GARIN1A: variants seen among roughly 807,000 people sequenced by gnomAD.
GARIN1A encodes Golgi-associated RAB2 interactor protein 1A.
At chr7:128,685,609 T>G in the GARIN1A span, 1 of 152,226 alleles carries the variant, frequency 6.6e-6, no homozygotes, top group South Asian at 2.1e-4. Flanking sequence ...CCAGTAAAAT[T>G]AAAAACAAGT....
chr7:128,692,014 G>A, the GARIN1A span, among the ~76,000 whole-genome samples: 1 of 152,322 alleles, frequency 6.6e-6, no homozygotes, highest in East Asian at 1.9e-4. Flanking sequence ...TGAGACAGTC[G>A]CTGGGCTTCC....
chr7:128,674,139 C>T, the GARIN1A span, among the ~76,000 whole-genome samples: 2 of 152,046 alleles, frequency 1.3e-5, no homozygotes, highest in African/African-American at 2.4e-5. Flanking sequence ...ATGATCTGCC[C>T]GCCTTGGCCT....
At chr7:128,676,693 A>T in the GARIN1A span, among the ~76,000 whole-genome samples, 1 of 151,884 alleles carries the variant, frequency 6.6e-6, no homozygotes, top group Non-Finnish European at 1.5e-5. Flanking sequence ...AAAATACTAG[A>T]TATACAGGAG....
At chr7:128,678,994 A>ATATATACTTATGTAACGATTGT in the GARIN1A span, among the ~76,000 whole-genome samples, 3 of 113,152 alleles carry the variant, frequency 2.7e-5, no homozygotes, top group African/African-American at 1.1e-4. Flanking sequence ...CGATTGTTAC[A>ATATATACTTATGTAACGATTGT]TACATATATA....
the GARIN1A span, among the ~76,000 whole-genome samples, chr7:128,688,231 C>G: frequency 3.9e-5 from 6 of 152,070 alleles, no homozygotes; most frequent in Non-Finnish European, 5.9e-5. Context: ...AGGATGGTCT[C>G]GATCTCCTGA....
chr7:128,686,725 A>T, the GARIN1A span: 2 of 152,122 alleles, frequency 1.3e-5, no homozygotes, highest in Non-Finnish European at 2.9e-5. Context: ...AAAATGTGAA[A>T]ATTAGCCAGG....
At chr7:128,701,249 C>G in the GARIN1A span, among the ~76,000 whole-genome samples, 1 of 146,808 alleles carries the variant, frequency 6.8e-6, no homozygotes, top group Non-Finnish European at 1.5e-5. Flanking sequence ...TCGCTTCCAC[C>G]AAGTGAAAAT....
At chr7:128,698,949 T>C in the GARIN1A span, among the ~76,000 whole-genome samples, 1 of 152,174 alleles carries the variant, frequency 6.6e-6, no homozygotes, top group Non-Finnish European at 1.5e-5. Context: ...CCTACCATGG[T>C]CATGTCAGGG....
the GARIN1A span, among the ~76,000 whole-genome samples, chr7:128,678,525 T>A: frequency 5.9e-5 from 9 of 152,270 alleles, no homozygotes; most frequent in South Asian, 1.7e-3. Flanking sequence ...GTCTGTAGTC[T>A]GGATGCAGTG....
the GARIN1A span, among the ~76,000 whole-genome samples, chr7:128,702,109 T>C: frequency 6.6e-6 from 1 of 151,888 alleles, no homozygotes; most frequent in African/African-American, 2.4e-5. Context: ...CCCAGACAAA[T>C]GAAAACTGAA....
the GARIN1A span, among the ~76,000 whole-genome samples, chr7:128,703,822 G>C: frequency 6.6e-6 from 1 of 152,004 alleles, no homozygotes; most frequent in Non-Finnish European, 1.5e-5. Flanking sequence ...CCAAATCAGT[G>C]CTTGGCAGAT....
chr7:128,677,805 G>A, the GARIN1A span: 1 of 1,613,282 alleles, frequency 6.2e-7, no homozygotes, highest in Non-Finnish European at 8.5e-7. Flanking sequence ...CAACTCCACA[G>A]AAACAACAGT....
At chr7:128,694,375 A>T in the GARIN1A span, among the ~76,000 whole-genome samples, 3 of 151,992 alleles carry the variant, frequency 2.0e-5, no homozygotes, top group African/African-American at 7.2e-5. Flanking sequence ...CTACTAAAAA[A>T]TACAAAAATT....
chr7:128,682,428 C>T, the GARIN1A span, among the ~76,000 whole-genome samples: 2 of 152,308 alleles, frequency 1.3e-5, no homozygotes, highest in African/African-American at 4.8e-5. Context: ...GCTCCAGGCT[C>T]CCTCCTCCTC....
At chr7:128,682,387 A>C in the GARIN1A span, among the ~76,000 whole-genome samples, 1 of 152,148 alleles carries the variant, frequency 6.6e-6, no homozygotes, top group East Asian at 1.9e-4. Flanking sequence ...AGGTTTGAAG[A>C]GTTGTTTGTT....
chr7:128,689,468 G>A, the GARIN1A span, among the ~76,000 whole-genome samples: 462 of 150,412 alleles, frequency 3.1e-3, 4 homozygotes, highest in African/African-American at 0.011. Context: ...GGTGAGGAGC[G>A]TCTCTGCCTG....
chr7:128,697,986 C>T, the GARIN1A span, among the ~76,000 whole-genome samples: 2 of 152,302 alleles, frequency 1.3e-5, no homozygotes, highest in South Asian at 4.1e-4. Flanking sequence ...GATTCTATTT[C>T]ATGGCTTCGA....
At chr7:128,689,654 A>T in the GARIN1A span, among the ~76,000 whole-genome samples, 6 of 150,312 alleles carry the variant, frequency 4.0e-5, no homozygotes, top group Non-Finnish European at 8.9e-5. Flanking sequence ...CCCGTCTGGG[A>T]AGTGAGGAGC....
At chr7:128,703,791 A>G in the GARIN1A span, among the ~76,000 whole-genome samples, 6 of 151,310 alleles carry the variant, frequency 4.0e-5, no homozygotes, top group Non-Finnish European at 5.9e-5. Flanking sequence ...AAAAAAAAAG[A>G]AAAAGAAAGT....
Sources: gnomAD v4.1 joint callset for allele counts (sites outside exome capture counted in the v4.1 genomes callset) on GRCh38, gnomAD v4.1.1 for gene constraint, MANE v1.5 for transcripts, NCBI Gene and HGNC (gene_info 2026-07-23, HGNC 2026-07-21) for gene names.